Variants in MORC1 observed in about 807,000 individuals in gnomAD.
MORC1 encodes the protein MORC family CW-type zinc finger 1, also known as MORC family CW-type zinc finger protein 1.
MORC1 carries 59 observed loss-of-function variants against 134.9 expected under a neutral mutation model. The ratio of observed to expected loss-of-function variants is 0.44; its 90% CI spans 0.35 to 0.54. MORC1 has a LOEUF of 0.54. Among genes scored for constraint, MORC1 ranks in the 20% least tolerant of loss-of-function variants. MORC1 has a pLI of 0.00. For missense variants in MORC1, 947 were observed against 1,134.5 expected, an observed-to-expected ratio of 0.83 and a Z score of 2.37; for synonymous variants, 395 against 391.7, an observed-to-expected ratio of 1.01 and a Z score of -0.10.
intron 1 of MORC1, among the ~76,000 whole-genome samples, chr3:109,116,654 C>T (rs533338896): frequency 1.1e-4 from 16 of 152,054 alleles, no homozygotes; most frequent in East Asian, 1.9e-4. Flanking sequence ...GGGGTGCATG[C>T]GTGTAGTCCC....
At chr3:109,111,035 A>C (rs1951154730) in intron 2 of MORC1, among the ~76,000 whole-genome samples, 1 of 138,690 alleles carries the variant, frequency 7.2e-6, no homozygotes, top group African/African-American at 2.6e-5. Flanking sequence ...AAAAACTAAC[A>C]AAATGGATAT....
In MORC1 at chr3:109,093,513, C is replaced by G; in HGVS notation, c.612G>C (p.Lys204Asn). The part of the protein sequence containing the change: ...CGTLLVIYNL[K>N]LLLNGEPELD... ...ACTCTGGTTCTCCATTAAGCAGAAG[C>G]TTCAAGTTATAAATAACCAGCAAAG... The change falls in exon 8 of 28, where the codon AAG (lysine) becomes AAC (asparagine). Residue 204 changes from lysine to asparagine, a missense_variant. Lys to Asn is a moderately conservative substitution (Grantham distance 94). Around this residue, in one of 3 missense-constraint regions of MORC1, gnomAD observed 214 missense variants for 281.3 expected, o/e 0.76. Coordinates refer to ENST00000232603, the MANE Select transcript of MORC1 (RefSeq NM_014429.4). The G allele has an allele frequency of 6.2e-7, 1 of 1,613,656 alleles. No homozygotes were observed. Among genetic ancestry groups the G allele is most frequent in the East Asian group, 2.2e-5 (1 of 44,866 alleles).
chr3:109,011,009 T>C (rs764872278), intron 17 of MORC1, among the ~76,000 whole-genome samples: 1 of 152,230 alleles, frequency 6.6e-6, no homozygotes, highest in Non-Finnish European at 1.5e-5. Context: ...TTCTCTTGAC[T>C]AATACCTAGG....
At chr3:108,983,466 G>A (rs1321611884) in intron 23 of MORC1, among the ~76,000 whole-genome samples, 3 of 152,190 alleles carry the variant, frequency 2.0e-5, no homozygotes, top group African/African-American at 7.2e-5. Context: ...TGATAAAAGT[G>A]TGACTTGTCA....
Position 109,046,744 on chromosome 3 carries a change from T to C in MORC1, c.1330+7984A>G, listed in dbSNP as rs4476508. 3.9e-5 allele frequency among the ~76,000 whole-genome samples: 6 copies of C among 152,376 alleles called. No individual in the cohort carries two copies. The East Asian group carries it at 5.8e-4, about 15-fold the overall frequency. On this transcript the variant is annotated intron_variant, in intron 14 of 27. Coordinates refer to ENST00000232603, the MANE Select transcript of MORC1 (RefSeq NM_014429.4). ...AACTTTATTGTGTGTATTTAAAGTA[T>C]ACAACATGTGTTATAGGATACATAC...
At position 109,040,428 on chromosome 3, in the gene MORC1, GA is replaced by G. The variant is rs1356102198; in HGVS notation, c.1331-4961del. The stretch of plus-strand genomic sequence containing the variant: ...AGAAGGAAGGAAGGAAGGAAGGAAG[GA>G]AAGAAAGAAAGAAAGAAAGAAAGAA... On this transcript the variant is annotated intron_variant, in intron 14 of 27. Coordinates refer to ENST00000232603, the MANE Select transcript of MORC1 (RefSeq NM_014429.4). 4.2e-3 allele frequency among the ~76,000 whole-genome samples: 263 copies of G among 62,256 alleles called. 4 individuals are homozygous for G. Among genetic ancestry groups the G allele is most frequent in the South Asian group, 0.012 (18 of 1,520 alleles). 40.8% of individuals were successfully genotyped at this position (62,256 alleles called of 152,430 possible). A position where few individuals can be genotyped will look rare whatever the true frequency, so the allele number is the denominator to read the frequency against.
rs147805286 is a variant in MORC1 at position 109,055,463 on chromosome 3, CAT to C, written c.1176-583_1176-582del. On this transcript the variant is annotated intron_variant, in intron 13 of 27. Transcript: ENST00000232603. ...GCTCCCCACTGCCTTTTGCACGGCACATGTGTCAAAGCCTCACAATTTGGGGT... is the reference window on the plus strand; with the variant it reads ...GCTCCCCACTGCCTTTTGCACGGCACGTGTCAAAGCCTCACAATTTGGGGT... Among the ~76,000 whole-genome samples, 964 of 152,322 alleles carry C rather than the reference CAT, an allele frequency of 6.3e-3. 5 individuals are homozygous for C. Among genetic ancestry groups the C allele is most frequent in the African/African-American group, 0.012 (517 of 41,566 alleles).
chr3:108,983,084 A>G (rs1213761016), intron 23 of MORC1, among the ~76,000 whole-genome samples: 1 of 152,160 alleles, frequency 6.6e-6, no homozygotes, highest in Admixed American at 6.5e-5. Flanking sequence ...ATATACATGC[A>G]TACACACACC....
intron 8 of MORC1, among the ~76,000 whole-genome samples, chr3:109,090,633 A>AAC (rs1559946312): frequency 1.3e-5 from 2 of 151,588 alleles, no homozygotes; most frequent in African/African-American, 4.9e-5. Flanking sequence ...AAAAAAAAAA[A>AAC]AAAAAAAAAC....
At chr3:109,050,309 T>G (rs1365308722) in intron 14 of MORC1, among the ~76,000 whole-genome samples, 1 of 152,234 alleles carries the variant, frequency 6.6e-6, no homozygotes, top group African/African-American at 2.4e-5. Context: ...ACACATTTAT[T>G]TCTCACAGTT....
intron 21 of MORC1, among the ~76,000 whole-genome samples, chr3:108,987,790 G>T (rs1947935825): frequency 6.6e-6 from 1 of 151,912 alleles, no homozygotes; most frequent in Admixed American, 6.6e-5. Flanking sequence ...GAGAGAATGT[G>T]TCTGTTTATG....
At chr3:108,971,440 G>T in intron 24 of MORC1, 38 bp from the exon 25 acceptor site, 1 of 1,552,688 alleles carries the variant, frequency 6.4e-7, no homozygotes, top group Non-Finnish European at 8.9e-7. Context: ...GAATATACTA[G>T]GATAACAGAG....
In MORC1 at chr3:108,979,607, A is replaced by G. The variant is rs766247277; in HGVS notation, c.2385T>C (p.Ser795=). ...AAGCAACTTTACAACTGCCACTCAC[A>G]GAAACTCTGGCTATGTGTCCAGAAC... ...NLSSGHIARV[S]VSGSCKVASS... The change falls in exon 24 of 28, where the codon TCT becomes TCC. Residue 795 remains serine (S), a synonymous_variant. Transcript: ENST00000232603. 32 of 1,614,074 alleles carry G rather than the reference A, an allele frequency of 2.0e-5. No individual in the cohort carries two copies. The Admixed American group carries it at 5.3e-4, about 27-fold the overall frequency.
intron 21 of MORC1, among the ~76,000 whole-genome samples, chr3:108,995,790 G>T (rs1448681827): frequency 6.6e-6 from 1 of 152,068 alleles, no homozygotes; most frequent in Non-Finnish European, 1.5e-5. Flanking sequence ...ATGATGGATT[G>T]GTCTTTTAAA....
intron 1 of MORC1, among the ~76,000 whole-genome samples, chr3:109,115,454 G>GAA (rs35853735): frequency 0.013 from 2,004 of 151,750 alleles, 30 homozygotes; most frequent in African/African-American, 0.035. Flanking sequence ...TTGTAATTAA[G>GAA]AAAAAAAACT....
At chr3:109,040,485 A>AAAGAAAAAGG (rs61499269) in intron 14 of MORC1, among the ~76,000 whole-genome samples, 1 of 114,528 alleles carries the variant, frequency 8.7e-6, no homozygotes, top group East Asian at 2.9e-4. Flanking sequence ...AGAAAGAAAG[A>AAAGAAAAAGG]AAGGAAAGAA....
chr3:109,022,438 C>T (rs1948981003), intron 17 of MORC1, among the ~76,000 whole-genome samples: 1 of 152,180 alleles, frequency 6.6e-6, no homozygotes, highest in African/African-American at 2.4e-5. Flanking sequence ...GTGGGAATTG[C>T]CAGATTATAC....
At chr3:109,106,772 C>G (rs1019968475) in intron 3 of MORC1, among the ~76,000 whole-genome samples, 1 of 152,168 alleles carries the variant, frequency 6.6e-6, no homozygotes, top group Non-Finnish European at 1.5e-5. Context: ...ATACAGACAC[C>G]ATCTCCTTTC....
chr3:109,072,440 C>A (rs550089555), intron 8 of MORC1, among the ~76,000 whole-genome samples: 2 of 152,272 alleles, frequency 1.3e-5, no homozygotes, highest in South Asian at 2.1e-4. Context: ...TACTTCCCGC[C>A]GTCAAGGCAC....
Sources: gnomAD v4.1 joint callset for allele counts (sites outside exome capture counted in the v4.1 genomes callset) on GRCh38, gnomAD v4.1.1 for gene constraint, gnomAD v4.1.1 regional missense constraint, MANE v1.5 for transcripts, NCBI Gene and HGNC (gene_info 2026-07-23, HGNC 2026-07-21) for gene names.